Variants in ANGPT2 observed in about 807,000 individuals in gnomAD.
ANGPT2 encodes angiopoietin 2, also known as angiopoietin-2.
ANGPT2 carries 28 observed loss-of-function variants against 62.9 expected under a neutral mutation model. The observed-to-expected ratio is 0.44, with a 90% CI of 0.33 to 0.61. ANGPT2 has a LOEUF of 0.61. ANGPT2 is among the 20% of genes least tolerant of loss of function. The probability of loss-of-function intolerance (pLI) is 0.03; values close to 1 mark genes in which losing one functional copy is unlikely to be tolerated. For missense variants in ANGPT2, 727 were observed against 594.9 expected (o/e 1.22, Z -2.31); for synonymous variants, 284 against 207.8 (o/e 1.37, Z -3.15).
chr8:6,536,420 A>G (rs1049741382), intron 1 of ANGPT2, among the ~76,000 whole-genome samples: 2 of 152,046 alleles, frequency 1.3e-5, no homozygotes, highest in Admixed American at 1.3e-4. Context: ...CCAAAGTGAT[A>G]TATCTCAAAA....
intron 3 of ANGPT2, among the ~76,000 whole-genome samples, chr8:6,525,497 T>G (rs1001641481): frequency 6.6e-6 from 1 of 152,232 alleles, no homozygotes; most frequent in Non-Finnish European, 1.5e-5. Context: ...CCCAAAGTGC[T>G]GGGATTATAG....
intron 7 of ANGPT2, among the ~76,000 whole-genome samples, chr8:6,510,887 C>T (rs775643162): frequency 2.0e-5 from 3 of 152,160 alleles, no homozygotes; most frequent in Non-Finnish European, 4.4e-5. Flanking sequence ...AGTATTTTCC[C>T]ACATGTTTCA....
intron 1 of ANGPT2, among the ~76,000 whole-genome samples, chr8:6,537,333 G>A (rs1294218591): frequency 3.9e-5 from 6 of 152,034 alleles, no homozygotes; most frequent in Non-Finnish European, 8.8e-5. Context: ...TGACACAGTC[G>A]GCAAAGTGTG....
intron 8 of ANGPT2, among the ~76,000 whole-genome samples, chr8:6,507,303 G>A (rs1813944977): frequency 6.6e-6 from 1 of 152,054 alleles, no homozygotes; most frequent in Non-Finnish European, 1.5e-5. Context: ...TGTTACCTTT[G>A]GTTTTCCTGG....
In ANGPT2 at chr8:6,519,905, T is replaced by C. The variant is rs956790865; in HGVS notation, c.886A>G (p.Ile296Val). The C allele has an allele frequency of 3.1e-6, 5 of 1,613,756 alleles. No individual in the cohort carries two copies. The African/African-American group carries it at 6.7e-5, about 22-fold the overall frequency. ...VFKSGHTTNGIYTLTFPNSTE... is the reference protein window; with the variant it reads ...VFKSGHTTNGVYTLTFPNSTE... ...GAATTAGGGAATGTTAACGTGTAGATGCCATTCGTGGTGTGTCCTGATTTG... is the reference window on the plus strand; with the variant it reads ...GAATTAGGGAATGTTAACGTGTAGACGCCATTCGTGGTGTGTCCTGATTTG... The change falls in exon 5 of 9, where the codon ATC (isoleucine) becomes GTC (valine). Residue 296 changes from isoleucine (I) to valine (V), a missense_variant. Ile to Val is a conservative substitution (Grantham distance 29, BLOSUM62 3). Transcript: ENST00000629816.
At position 6,499,819 on chromosome 8, in the gene ANGPT2, G is replaced by C; in HGVS notation, c.*3282C>G. ...TTATTGCCTGCTAAGGCTAATAAAT[G>C]TATAATAAATCTGCTTGTTGTGTCA... On this transcript the variant is annotated 3_prime_UTR_variant, in exon 9 of 9. Coordinates refer to ENST00000629816, the MANE Select transcript of ANGPT2 (RefSeq NM_001118887.2). 1 of 1,598,424 alleles carries C rather than the reference G, an allele frequency of 6.3e-7. No homozygotes were observed. Among genetic ancestry groups the C allele is most frequent in the Non-Finnish European group, 8.6e-7 (1 of 1,167,314 alleles).
At chr8:6,506,529 G>T (rs930644767) in intron 8 of ANGPT2, among the ~76,000 whole-genome samples, 2 of 152,188 alleles carry the variant, frequency 1.3e-5, no homozygotes, top group Non-Finnish European at 1.5e-5. Context: ...CCTTCTCAAG[G>T]AGAGAGCTGG....
rs55804146 is a variant in ANGPT2 at position 6,562,552 on chromosome 8, CTTTTT to C, written c.288+90_288+94del. 6.6e-3 allele frequency: 484 copies of C among 73,636 alleles called. 3 individuals are homozygous for C. The highest frequency in any genetic ancestry group is 0.035 in the East Asian group (212 of 5,980). The allele number at this position is 73,636 out of a possible 1,614,324, so 4.6% of individuals were successfully genotyped here. On this transcript the variant is annotated intron_variant, in intron 1 of 8. Transcript: ENST00000629816. ...AGCTCTAATCCTCTTCATCCTCCTTCTTTTTTTTTTTTTTTTTTTGGTTGTTAAAA... is the reference window on the plus strand; with the variant it reads ...AGCTCTAATCCTCTTCATCCTCCTTCTTTTTTTTTTTTTTGGTTGTTAAAA...
chr8:6,533,007 C>T (rs936596076), intron 1 of ANGPT2, among the ~76,000 whole-genome samples: 1 of 152,250 alleles, frequency 6.6e-6, no homozygotes, highest in African/African-American at 2.4e-5. Context: ...TCCTTTTAAC[C>T]TACGGAATCA....
At chr8:6,518,775 C>A (rs897170580) in intron 5 of ANGPT2, among the ~76,000 whole-genome samples, 2 of 152,138 alleles carry the variant, frequency 1.3e-5, no homozygotes, top group African/African-American at 4.8e-5. Context: ...CATTTATATG[C>A]AAACATATTT....
chr8:6,508,870 C>T (rs764112777), intron 8 of ANGPT2, 62 bp downstream of exon 8: 2 of 1,610,702 alleles, frequency 1.2e-6, no homozygotes, highest in Non-Finnish European at 1.7e-6. Flanking sequence ...AAATTGCCAG[C>T]CTTTCCCTCT....
At position 6,562,632 on chromosome 8, in the gene ANGPT2, G is replaced by A. The variant is rs181305415; in HGVS notation, c.288+15C>T. 1.4e-5 allele frequency: 18 copies of A among 1,312,442 alleles called. No individual in the cohort carries two copies. Among genetic ancestry groups the A allele is most frequent in the Admixed American group, 1.0e-4 (5 of 47,692 alleles). 81.3% of individuals were successfully genotyped at this position (1,312,442 alleles called of 1,614,324 possible). A position where few individuals can be genotyped will look rare whatever the true frequency, so the allele number is the denominator to read the frequency against. ...TAATAGCATGTTCACAAAGACAGATGGATTTTTTTCCTACCTTCATTAGCC... is the reference window on the plus strand; with the variant it reads ...TAATAGCATGTTCACAAAGACAGATAGATTTTTTTCCTACCTTCATTAGCC... On this transcript the variant is annotated intron_variant, in intron 1 of 8. Coordinates refer to ENST00000629816, the MANE Select transcript of ANGPT2 (RefSeq NM_001118887.2).
intron 8 of ANGPT2, among the ~76,000 whole-genome samples, 164 bp from the exon 9 acceptor site, chr8:6,503,425 C>T (rs1812598695): frequency 6.6e-6 from 1 of 152,144 alleles, no homozygotes; most frequent in Admixed American, 6.5e-5. Flanking sequence ...GGATTGTTTT[C>T]CAGCCATACA....
intron 4 of ANGPT2, among the ~76,000 whole-genome samples, chr8:6,520,689 C>T (rs2442619): frequency 0.071 from 10,773 of 152,224 alleles, 462 homozygotes; most frequent in African/African-American, 0.11. Flanking sequence ...ATCCACCACA[C>T]CTGGCCCTTC....
Position 6,505,331 on chromosome 8 carries a change from A to ATG in ANGPT2, c.1328-2071_1328-2070insCA, listed in dbSNP as rs1563306161. Among the ~76,000 whole-genome samples the ATG allele has an allele frequency of 5.8e-3, 337 of 57,688 alleles. 59 individuals are homozygous for ATG. Among genetic ancestry groups the ATG allele is most frequent in the African/African-American group, 0.033 (327 of 9,788 alleles). 37.8% of individuals were successfully genotyped at this position (57,688 alleles called of 152,430 possible). ...TATAACATATATATGTTATATACAT[A>ATG]TAGAAAGAATATATATATTCTTTCT... is the stretch of plus-strand genomic sequence containing the variant. On this transcript the variant is annotated intron_variant, in intron 8 of 8. Transcript: ENST00000629816.
rs189767684 is a variant in ANGPT2 at position 6,525,804 on chromosome 8, G to T, written c.566+1751C>A. Among the ~76,000 whole-genome samples the T allele has an allele frequency of 1.6e-3, 236 of 152,164 alleles. 3 individuals carry two copies. Among genetic ancestry groups the T allele is most frequent in the African/African-American group, 5.3e-3 (222 of 41,512 alleles). ...TTTCATATCTGTGACAAAAAAATAC[G>T]ATTTCTACAGCTGATGAGAAAAAGC... On this transcript the variant is annotated intron_variant, in intron 3 of 8. Transcript: ENST00000629816.
rs1250397501 is a variant in ANGPT2, at chr8:6,502,463, A to C, written c.*638T>G. ...AATTTGAAATACGTATTTGAGCATT[A>C]ACTTATAACTAAGCTGTCAACATAA... On this transcript the variant is annotated 3_prime_UTR_variant, in exon 9 of 9. Transcript: ENST00000629816. The C allele has an allele frequency of 6.6e-6, 1 of 152,240 alleles. No individual in the cohort carries two copies. The highest frequency in any genetic ancestry group is 2.4e-5 in the African/African-American group (1 of 41,468). 9.4% of individuals were successfully genotyped at this position (152,240 alleles called of 1,614,324 possible). A position where few individuals can be genotyped will look rare whatever the true frequency, so the allele number is the denominator to read the frequency against.
chr8:6,527,450 A>T, intron 3 of ANGPT2, 105 bp downstream of exon 3: 1 of 1,404,862 alleles, frequency 7.1e-7, no homozygotes, highest in Non-Finnish European at 9.7e-7. Context: ...CCCTTACACT[A>T]GACATGAAGA....
chr8:6,554,752 G>T (rs1039574647), intron 1 of ANGPT2, among the ~76,000 whole-genome samples: 1 of 152,264 alleles, frequency 6.6e-6, no homozygotes, highest in East Asian at 1.9e-4. Flanking sequence ...AGGAGCCCTC[G>T]GAGGGAGCGG....
Sources: gnomAD v4.1 joint callset for allele counts (sites outside exome capture counted in the v4.1 genomes callset) on GRCh38, gnomAD v4.1.1 for gene constraint, MANE v1.5 for transcripts, NCBI Gene and HGNC (gene_info 2026-07-23, HGNC 2026-07-21) for gene names.